The following TBC1D4 variants were observed in gnomAD, a reference collection of about 807,000 sequenced individuals.
TBC1D4 encodes TBC (Tre-2, BUB2, CDC16) domain-containing protein.
A neutral mutation model predicts 142.5 loss-of-function variants in TBC1D4; 121 were observed. The ratio of observed to expected loss-of-function variants is 0.85; its 90% CI spans 0.73 to 0.99. The LOEUF (loss-of-function observed/expected upper bound fraction) is 0.99. TBC1D4 is among the 50% of genes least tolerant of loss of function. TBC1D4 has a pLI of 0.00. For synonymous variants in TBC1D4, 630 were observed against 628.2 expected (o/e 1.00, Z -0.04); for missense variants, 1,475 against 1,606.6 (o/e 0.92, Z 1.40).
chr13:75,300,135 G>A (rs1351825543), intron 16 of TBC1D4, among the ~76,000 whole-genome samples: 11 of 151,972 alleles, frequency 7.2e-5, no homozygotes, highest in Admixed American at 5.9e-4. Flanking sequence ...TTCAACTATC[G>A]TTCGCTCTCT....
At chr13:75,367,834 T>G (rs934705627) in intron 1 of TBC1D4, among the ~76,000 whole-genome samples, 1 of 152,202 alleles carries the variant, frequency 6.6e-6, no homozygotes, top group Non-Finnish European at 1.5e-5. Flanking sequence ...TCATTTAATG[T>G]TATAATTTTT....
intron 8 of TBC1D4, among the ~76,000 whole-genome samples, chr13:75,331,633 A>T (rs1566387753): frequency 6.6e-6 from 1 of 152,156 alleles, no homozygotes; most frequent in East Asian, 1.9e-4. Flanking sequence ...GTTTTACTAC[A>T]TTGTGATTTG....
Position 75,302,239 on chromosome 13 carries a change from A to G in TBC1D4, c.2911+4T>C, listed in dbSNP as rs778896532. 4 of 1,614,060 alleles carry G rather than the reference A, an allele frequency of 2.5e-6. No individual in the cohort carries two copies. Among genetic ancestry groups the G allele is most frequent in the Non-Finnish European group, 3.4e-6 (4 of 1,180,032 alleles). On this transcript the variant is annotated splice_donor_region_variant and intron_variant, in intron 16 of 20. Coordinates refer to ENST00000377636, the MANE Select transcript of TBC1D4 (RefSeq NM_014832.5). ...GTAAATTATAATCCACATGACAAAC[A>G]TACCTAAATCCACGAGAATCGCATG...
At chr13:75,436,311 G>A (rs905009053) in intron 1 of TBC1D4, among the ~76,000 whole-genome samples, 1 of 151,928 alleles carries the variant, frequency 6.6e-6, no homozygotes, top group African/African-American at 2.4e-5. Flanking sequence ...GTATGAAAAT[G>A]GACTAACACA....
chr13:75,419,507 T>C (rs1271562330), intron 1 of TBC1D4, among the ~76,000 whole-genome samples: 2 of 152,224 alleles, frequency 1.3e-5, no homozygotes, highest in African/African-American at 4.8e-5. Context: ...CTCGAAGTTG[T>C]ATAAAATATA....
At chr13:75,406,224 C>A (rs1397469681) in intron 1 of TBC1D4, among the ~76,000 whole-genome samples, 1 of 152,164 alleles carries the variant, frequency 6.6e-6, no homozygotes, top group Non-Finnish European at 1.5e-5. Context: ...GAAGCCAACC[C>A]AGAAGGAAAA....
chr13:75,338,520 C>T (rs570462098), intron 7 of TBC1D4, among the ~76,000 whole-genome samples: 5 of 152,202 alleles, frequency 3.3e-5, no homozygotes, highest in African/African-American at 1.2e-4. Context: ...AGCTTAGCTA[C>T]GAGCAAGAAA....
rs1292237160 is a variant in TBC1D4, at chr13:75,362,190, A to G, written c.916T>C (p.Phe306Leu). Residue 306 changes from phenylalanine to leucine, a missense_variant, in exon 2 of 21, where the codon TTT (phenylalanine) becomes CTT (leucine). Around this residue, in one of 2 missense-constraint regions of TBC1D4, gnomAD observed 1,227 missense variants for 1,267.7 expected, o/e 0.97. Transcript: ENST00000377636. This position sits in a 1 kb window ranked among gnomAD's most constrained non-coding sequence, Gnocchi z 4.2. The part of the protein sequence containing the change: ...FPERILEDSG[F>L]DEQQEFRSRC... ...GACCGAAACTCCTGCTGCTCATCAAAGCCAGAATCTTCCAAAATCCGCTCA... is the reference window on the plus strand; with the variant it reads ...GACCGAAACTCCTGCTGCTCATCAAGGCCAGAATCTTCCAAAATCCGCTCA... 6.2e-7 allele frequency: 1 copy of G among 1,613,652 alleles called. No homozygotes were observed. Among genetic ancestry groups the G allele is most frequent in the East Asian group, 2.2e-5 (1 of 44,836 alleles).
intron 1 of TBC1D4, among the ~76,000 whole-genome samples, chr13:75,452,563 T>A (rs565417177): frequency 6.6e-6 from 1 of 152,372 alleles, no homozygotes; most frequent in South Asian, 2.1e-4. Context: ...AATTTATTTT[T>A]ATTTCACAGT....
chr13:75,411,049 T>C (rs1393112010), intron 1 of TBC1D4, among the ~76,000 whole-genome samples: 1 of 151,394 alleles, frequency 6.6e-6, no homozygotes, highest in Non-Finnish European at 1.5e-5. Flanking sequence ...TGGCTAAAGC[T>C]TATCAGGCCA....
chr13:75,291,112 C>T (rs1875252731), intron 19 of TBC1D4, among the ~76,000 whole-genome samples: 1 of 152,180 alleles, frequency 6.6e-6, no homozygotes, highest in Non-Finnish European at 1.5e-5. Flanking sequence ...GTGCAGATTA[C>T]TCTCAATTTG....
chr13:75,328,036 G>A (rs943529441), intron 8 of TBC1D4, among the ~76,000 whole-genome samples: 3 of 152,106 alleles, frequency 2.0e-5, no homozygotes, highest in Non-Finnish European at 2.9e-5. Flanking sequence ...TCAGCCGTTA[G>A]ATAACTAGAT....
In TBC1D4 at chr13:75,362,416, G is replaced by A. The variant is rs1882609362; in HGVS notation, c.690C>T (p.Ser230=). The A allele has an allele frequency of 6.2e-7, 1 of 1,614,248 alleles. No homozygotes were observed. The highest frequency in any genetic ancestry group is 8.5e-7 in the Non-Finnish European group (1 of 1,180,050). Residue 230 remains serine (S), a synonymous_variant, in exon 2 of 21, where the codon AGC becomes AGT. Coordinates refer to ENST00000377636, the MANE Select transcript of TBC1D4 (RefSeq NM_014832.5). This position sits in a 1 kb window ranked among gnomAD's most constrained non-coding sequence, Gnocchi z 4.2. ...SLIDDCMEKF[S]LHEQQRLKIQ... ...TCTTCAGGCGCTGCTGTTCGTGCAGGCTGAACTTCTCCATGCAGTCATCGA... is the reference window on the plus strand; with the variant it reads ...TCTTCAGGCGCTGCTGTTCGTGCAGACTGAACTTCTCCATGCAGTCATCGA...
chr13:75,432,805 C>T (rs1039442487), intron 1 of TBC1D4, among the ~76,000 whole-genome samples: 2 of 151,894 alleles, frequency 1.3e-5, no homozygotes, highest in African/African-American at 4.8e-5. Flanking sequence ...AAAAGACATG[C>T]AGCCAGCAAG....
chr13:75,450,028 A>G (rs1887468652), intron 1 of TBC1D4, among the ~76,000 whole-genome samples: 2 of 152,250 alleles, frequency 1.3e-5, no homozygotes, highest in South Asian at 4.1e-4. Flanking sequence ...ATACACACAA[A>G]TATGAAGAAT....
chr13:75,404,627 A>G (rs531279613), intron 1 of TBC1D4, among the ~76,000 whole-genome samples: 1 of 152,348 alleles, frequency 6.6e-6, no homozygotes, highest in South Asian at 2.1e-4. Flanking sequence ...TTCTAACAAC[A>G]GATTCAAGAA....
chr13:75,477,847 C>A (rs1284777973), intron 1 of TBC1D4, among the ~76,000 whole-genome samples: 1 of 152,196 alleles, frequency 6.6e-6, no homozygotes, highest in Non-Finnish European at 1.5e-5. Flanking sequence ...TCAAGTTTAG[C>A]TGAAATGTGC....
At chr13:75,315,367 T>TATATAC (rs1555302418) in intron 12 of TBC1D4, among the ~76,000 whole-genome samples, 1 of 147,626 alleles carries the variant, frequency 6.8e-6, no homozygotes, top group Non-Finnish European at 1.5e-5. Context: ...TATATATATA[T>TATATAC]ATACACACAC....
At chr13:75,377,232 C>A (rs766784585) in intron 1 of TBC1D4, 11 of 152,082 alleles carry the variant, frequency 7.2e-5, no homozygotes, top group Non-Finnish European at 1.6e-4. Context: ...GCAAATAGGC[C>A]CCAGATTGTA....
Sources: allele counts gnomAD v4.1 joint callset (sites outside exome capture counted in the v4.1 genomes callset), GRCh38; gene constraint gnomAD v4.1.1; regional missense constraint gnomAD v4.1.1; non-coding constraint Gnocchi (gnomAD v3.1); transcripts MANE v1.5; gene names NCBI Gene and HGNC (gene_info 2026-07-23, HGNC 2026-07-21).